RBFOX1: variants seen among roughly 807,000 people sequenced by gnomAD.
RBFOX1 encodes RNA binding protein fox-1 homolog 1.
RBFOX1 carries 8 observed loss-of-function variants against 57.7 expected under a neutral mutation model. The ratio of observed to expected loss-of-function variants is 0.14; its 90% CI spans 0.08 to 0.25. The LOEUF (loss-of-function observed/expected upper bound fraction) is 0.25, where lower values mean the gene tolerates loss of function less well. Ranked by LOEUF, RBFOX1 falls within the 10% of genes least tolerant of loss-of-function variation. The pLI, the probability that RBFOX1 is intolerant of heterozygous loss-of-function variation, is 1.00. For missense variants in RBFOX1, 611 were observed against 548.5 expected, an observed-to-expected ratio of 1.11 and a Z score of -1.14; for synonymous variants, 326 against 222.4, an observed-to-expected ratio of 1.47 and a Z score of -4.15.
At chr16:7,060,031 C>T (rs1397959870) in intron 4 of RBFOX1, among the ~76,000 whole-genome samples, 1 of 152,112 alleles carries the variant, frequency 6.6e-6, no homozygotes, top group Non-Finnish European at 1.5e-5. Context: ...AAAGATTCTG[C>T]AGTCAGATTC....
At chr16:5,709,032 A>T (rs990872556) in intron 3 of RBFOX1, among the ~76,000 whole-genome samples, 10 of 152,082 alleles carry the variant, frequency 6.6e-5, no homozygotes, top group Non-Finnish European at 1.5e-5. Context: ...ATATTTCCCT[A>T]CTCAGGATTT....
chr16:7,300,184 T>C (rs1244214626), intron 4 of RBFOX1, among the ~76,000 whole-genome samples: 1 of 152,176 alleles, frequency 6.6e-6, no homozygotes, highest in Non-Finnish European at 1.5e-5. Context: ...GTACTGTACT[T>C]ATTTCTTCTC....
chr16:6,037,024 T>A (rs1407625441), intron 1 of RBFOX1, among the ~76,000 whole-genome samples: 1 of 151,872 alleles, frequency 6.6e-6, no homozygotes, highest in Non-Finnish European at 1.5e-5. Context: ...GACAGGGAGG[T>A]CACAGAAAGC....
At chr16:5,868,221 G>A (rs772763513) in intron 4 of RBFOX1, among the ~76,000 whole-genome samples, 1 of 152,208 alleles carries the variant, frequency 6.6e-6, no homozygotes, top group African/African-American at 2.4e-5. Context: ...GCCACTGTGT[G>A]GTTAAAGCAA....
intron 3 of RBFOX1, among the ~76,000 whole-genome samples, chr16:5,759,704 G>A (rs1244525572): frequency 1.3e-5 from 2 of 152,060 alleles, no homozygotes; most frequent in African/African-American, 2.4e-5. Context: ...CAAGCCTCTC[G>A]GTCTTTCTCT....
intron 6 of RBFOX1, among the ~76,000 whole-genome samples, chr16:7,584,137 C>T (rs567138381): frequency 2.4e-4 from 37 of 152,266 alleles, no homozygotes; most frequent in African/African-American, 7.0e-4. Context: ...TTGGCCTTCA[C>T]GCACAATCTT....
At chr16:7,702,807 C>CTGGT (rs2081200200) in intron 14 of RBFOX1, among the ~76,000 whole-genome samples, 1 of 152,178 alleles carries the variant, frequency 6.6e-6, no homozygotes, top group African/African-American at 2.4e-5. Context: ...ATGATACCAG[C>CTGGT]AACAATGCAA....
chr16:6,177,570 C>T (rs951270173), intron 1 of RBFOX1, among the ~76,000 whole-genome samples: 4 of 152,100 alleles, frequency 2.6e-5, no homozygotes, highest in Admixed American at 6.6e-5. Context: ...GGATTTCTAT[C>T]CTGTTTCATC....
At chr16:6,370,100 T>A (rs1343209710) in intron 2 of RBFOX1, among the ~76,000 whole-genome samples, 12 of 152,114 alleles carry the variant, frequency 7.9e-5, no homozygotes, top group Non-Finnish European at 4.4e-5. Flanking sequence ...GGCTTATGCC[T>A]GTAATCCCAG....
In RBFOX1 at chr16:5,744,163, C is replaced by G. The variant is rs956155392; in HGVS notation, c.319-123140C>G. On this transcript the variant is annotated intron_variant, in intron 3 of 19. Coordinates refer to the RBFOX1 transcript ENST00000641259. ...CTTGTCTTTGCTTGTGCTATGTTCCCCATCTGGAGCTCCTTCCTCTTATCT... is the reference window on the plus strand; with the variant it reads ...CTTGTCTTTGCTTGTGCTATGTTCCGCATCTGGAGCTCCTTCCTCTTATCT... Among the ~76,000 whole-genome samples, 4 of 152,118 alleles carry G rather than the reference C, an allele frequency of 2.6e-5. No homozygotes were observed. In the South Asian group the frequency reaches 6.2e-4, roughly 24 times the overall value.
At chr16:7,035,437 A>G in intron 3 of RBFOX1, among the ~76,000 whole-genome samples, 1 of 152,232 alleles carries the variant, frequency 6.6e-6, no homozygotes, top group Middle Eastern at 3.2e-3. Flanking sequence ...GCACACAAAA[A>G]GAATATTTAT....
At chr16:6,775,101 G>A (rs1212921364) in intron 3 of RBFOX1, among the ~76,000 whole-genome samples, 1 of 151,160 alleles carries the variant, frequency 6.6e-6, no homozygotes, top group Middle Eastern at 3.2e-3. Context: ...CAGGTCTGGC[G>A]GATCACGAGG....
chr16:7,456,803 C>G (rs747747012), intron 4 of RBFOX1, among the ~76,000 whole-genome samples: 1 of 152,142 alleles, frequency 6.6e-6, no homozygotes, highest in Non-Finnish European at 1.5e-5. Flanking sequence ...TCCAAGCCTT[C>G]TATTCAAGCC....
At chr16:6,551,783 C>T (rs1043998200) in intron 2 of RBFOX1, among the ~76,000 whole-genome samples, 1 of 152,122 alleles carries the variant, frequency 6.6e-6, no homozygotes, top group Admixed American at 6.6e-5. Flanking sequence ...CTTTTCCAAC[C>T]GGGACGTCAG....
intron 1 of RBFOX1, among the ~76,000 whole-genome samples, chr16:5,422,371 A>C: frequency 1.4e-5 from 1 of 72,102 alleles, no homozygotes; most frequent in Non-Finnish European, 3.0e-5. Context: ...AGCAGGGAGG[A>C]GCAGAGAAGA....
chr16:6,664,357 C>G (rs1440089184), intron 3 of RBFOX1, among the ~76,000 whole-genome samples: 1 of 152,188 alleles, frequency 6.6e-6, no homozygotes, highest in African/African-American at 2.4e-5. Context: ...ACTAGCCAGC[C>G]TGTTGTTTAG....
chr16:6,518,890 G>A (rs1201735352), intron 2 of RBFOX1, among the ~76,000 whole-genome samples: 2 of 151,436 alleles, frequency 1.3e-5, no homozygotes, highest in Non-Finnish European at 2.9e-5. Context: ...TTCTTCCCTG[G>A]AGCTAGCAAA....
At chr16:7,528,240 A>G (rs964647599) in intron 5 of RBFOX1, among the ~76,000 whole-genome samples, 4 of 152,204 alleles carry the variant, frequency 2.6e-5, no homozygotes, top group African/African-American at 9.7e-5. Flanking sequence ...GACAAGTTTC[A>G]TCGTGACTTT....
In RBFOX1 at chr16:6,807,739, C is replaced by G. The variant is rs562566842; in HGVS notation, c.-16+153089C>G. On this transcript the variant is annotated intron_variant, in intron 3 of 15. Coordinates refer to ENST00000550418, the MANE Select transcript of RBFOX1 (RefSeq NM_018723.4). Reference sequence around the variant, plus strand: ...GCTAAGGCAGAAGAATCACTTGAATCCAGGAGATGGAGGTTGTAGTGAGCT... The same window carrying G: ...GCTAAGGCAGAAGAATCACTTGAATGCAGGAGATGGAGGTTGTAGTGAGCT... 3.9e-5 allele frequency among the ~76,000 whole-genome samples: 6 copies of G among 152,132 alleles called. No individual in the cohort carries two copies. The South Asian group carries it at 1.2e-3, about 32-fold the overall frequency.
Sources: gnomAD v4.1 joint callset for allele counts (sites outside exome capture counted in the v4.1 genomes callset) on GRCh38, gnomAD v4.1.1 for gene constraint, MANE v1.5 for transcripts, NCBI Gene and HGNC (gene_info 2026-07-23, HGNC 2026-07-21) for gene names.